PRKCE: variants seen among roughly 807,000 people sequenced by gnomAD.
PRKCE encodes protein kinase C epsilon type.
A neutral mutation model predicts 85.4 loss-of-function variants in PRKCE; 16 were observed. The ratio of observed to expected loss-of-function variants is 0.19; its 90% CI spans 0.13 to 0.28. PRKCE has a LOEUF of 0.28. Ranked by LOEUF, PRKCE falls within the 10% of genes least tolerant of loss-of-function variation. The pLI is 1.00. For synonymous variants in PRKCE, 388 were observed against 371.5 expected (o/e 1.04, Z -0.51); for missense variants, 573 against 975.2 (o/e 0.59, Z 5.49).
chr2:46,070,382 G>A (rs939653529), intron 10 of PRKCE, among the ~76,000 whole-genome samples: 16 of 152,246 alleles, frequency 1.1e-4, no homozygotes, highest in Admixed American at 2.0e-4. Flanking sequence ...GGTGGCGCAT[G>A]CCTGTAATCC....
chr2:45,754,716 C>T (rs758838643), intron 1 of PRKCE, among the ~76,000 whole-genome samples: 1 of 152,208 alleles, frequency 6.6e-6, no homozygotes, highest in African/African-American at 2.4e-5. Context: ...CTTCCCCATC[C>T]AAATCAAAGG....
At chr2:46,072,039 C>T (rs533863183) in intron 10 of PRKCE, among the ~76,000 whole-genome samples, 2 of 152,190 alleles carry the variant, frequency 1.3e-5, no homozygotes, top group Non-Finnish European at 2.9e-5. Flanking sequence ...CAGAAGACCC[C>T]GCGCTATTAT....
intron 14 of PRKCE, among the ~76,000 whole-genome samples, chr2:46,183,755 C>G (rs986746222): frequency 2.6e-5 from 4 of 152,218 alleles, no homozygotes; most frequent in Admixed American, 1.3e-4. Context: ...GTACAGTTGT[C>G]ACCCATTCCT....
intron 2 of PRKCE, among the ~76,000 whole-genome samples, chr2:45,894,225 C>T (rs1695958977): frequency 6.6e-6 from 1 of 151,816 alleles, no homozygotes; most frequent in Admixed American, 6.6e-5. Context: ...AGCAAGCACT[C>T]AGTAGCAGAA....
At chr2:45,708,488 A>G (rs1679316194) in intron 1 of PRKCE, among the ~76,000 whole-genome samples, 1 of 152,160 alleles carries the variant, frequency 6.6e-6, no homozygotes, top group African/African-American at 2.4e-5. Context: ...TGATGGTTTT[A>G]TAAGGGGGAG....
intron 1 of PRKCE, among the ~76,000 whole-genome samples, chr2:45,705,442 T>A (rs1679032997): frequency 6.6e-6 from 1 of 152,214 alleles, no homozygotes; most frequent in South Asian, 2.1e-4. Context: ...TGGGGGTATA[T>A]GTACTCCAGA....
rs113613652 is a variant in PRKCE, at chr2:45,786,010, C to A, written c.349-56990C>A. Among the ~76,000 whole-genome samples, 671 of 152,278 alleles carry A rather than the reference C, an allele frequency of 4.4e-3. 4 individuals are homozygous for A. Among genetic ancestry groups the A allele is most frequent in the African/African-American group, 0.015 (622 of 41,550 alleles). The stretch of plus-strand genomic sequence containing the variant: ...GGGTTCTGCTGCAGTCATGCTGCCT[C>A]AGCGCTGCTGAGGGGTCTAGAGTCT... On this transcript the variant is annotated intron_variant, in intron 1 of 14. Coordinates refer to ENST00000306156, the MANE Select transcript of PRKCE (RefSeq NM_005400.3). The surrounding 1 kb of genome is among the most constrained non-coding windows in gnomAD (Gnocchi z 5.3).
intron 10 of PRKCE, among the ~76,000 whole-genome samples, chr2:46,074,305 T>A (rs1192230610): frequency 6.6e-6 from 1 of 151,800 alleles, no homozygotes; most frequent in African/African-American, 2.4e-5. Context: ...GCCTTGATTG[T>A]TTTTCCCTGA....
intron 1 of PRKCE, among the ~76,000 whole-genome samples, chr2:45,707,191 C>A (rs146630195): frequency 1.1e-3 from 161 of 152,328 alleles, no homozygotes; most frequent in Middle Eastern, 6.8e-3. Context: ...AGATATTCCT[C>A]GGCTGGAGCA....
intron 11 of PRKCE, among the ~76,000 whole-genome samples, chr2:46,120,566 T>A (rs1673211039): frequency 6.6e-6 from 1 of 152,132 alleles, no homozygotes; most frequent in African/African-American, 2.4e-5. Context: ...TTATACAGAT[T>A]TTGCCATGGT....
At chr2:45,677,578 G>C (rs1389686662) in intron 1 of PRKCE, among the ~76,000 whole-genome samples, 2 of 152,074 alleles carry the variant, frequency 1.3e-5, no homozygotes, top group African/African-American at 2.4e-5. Context: ...GGATGGTCTC[G>C]ATCTCCTGAC....
At chr2:45,824,233 C>T (rs1259097214) in intron 1 of PRKCE, among the ~76,000 whole-genome samples, 1 of 152,230 alleles carries the variant, frequency 6.6e-6, no homozygotes, top group African/African-American at 2.4e-5. Context: ...TTCCATTAAT[C>T]CTCTCCAATC....
At chr2:46,054,072 T>C (rs1186295490) in intron 10 of PRKCE, among the ~76,000 whole-genome samples, 2 of 152,214 alleles carry the variant, frequency 1.3e-5, no homozygotes, top group Non-Finnish European at 2.9e-5. Flanking sequence ...GAGAATTAGT[T>C]ACTATTGTCC....
chr2:45,820,004 T>TA (rs1320098655), intron 1 of PRKCE, among the ~76,000 whole-genome samples: 1 of 151,902 alleles, frequency 6.6e-6, no homozygotes, highest in Non-Finnish European at 1.5e-5. Flanking sequence ...GTGTTGGGAG[T>TA]AATCACTGCT....
intron 14 of PRKCE, among the ~76,000 whole-genome samples, chr2:46,182,735 G>T (rs939456997): frequency 2.6e-5 from 4 of 152,134 alleles, no homozygotes; most frequent in African/African-American, 9.7e-5. Flanking sequence ...ACAGTCCCCC[G>T]CGCAGCTCAC....
intron 2 of PRKCE, among the ~76,000 whole-genome samples, chr2:45,940,905 A>T (rs1245643341): frequency 3.7e-4 from 2 of 5,394 alleles, no homozygotes; most frequent in African/African-American, 1.8e-3. Context: ...TTAAAAATAC[A>T]AAAAAAAAAA....
intron 2 of PRKCE, among the ~76,000 whole-genome samples, chr2:45,864,350 CT>C (rs1384535615): frequency 6.6e-6 from 1 of 152,232 alleles, no homozygotes; most frequent in African/African-American, 2.4e-5. Flanking sequence ...CTAACAATAA[CT>C]GCCCTGGAGA....
At chr2:46,088,254 A>G (rs1463695130) in intron 11 of PRKCE, among the ~76,000 whole-genome samples, 1 of 152,030 alleles carries the variant, frequency 6.6e-6, no homozygotes, top group Non-Finnish European at 1.5e-5. Flanking sequence ...CTTGTTTCGC[A>G]CCCACAAAGT....
chr2:45,736,774 T>G (rs766364447), intron 1 of PRKCE, among the ~76,000 whole-genome samples: 11 of 152,342 alleles, frequency 7.2e-5, no homozygotes, highest in South Asian at 2.1e-4. Context: ...TGAAGGACAT[T>G]TCTGTGGGAA....
Sources: allele counts gnomAD v4.1 joint callset (sites outside exome capture counted in the v4.1 genomes callset), GRCh38; gene constraint gnomAD v4.1.1; non-coding constraint Gnocchi (gnomAD v3.1); transcripts MANE v1.5; gene names NCBI Gene and HGNC (gene_info 2026-07-23, HGNC 2026-07-21).